LRFN2: variants seen among roughly 807,000 people sequenced by gnomAD.
LRFN2 encodes the protein leucine-rich repeat and fibronectin type-III domain-containing protein 2.
A neutral mutation model predicts 37.3 loss-of-function variants in LRFN2; 18 were observed. That is an observed-to-expected ratio of 0.48 (90% CI 0.33 to 0.72). The LOEUF (loss-of-function observed/expected upper bound fraction) is 0.72. Among genes scored for constraint, LRFN2 ranks in the 30% least tolerant of loss-of-function variants. The pLI, the probability that LRFN2 is intolerant of heterozygous loss-of-function variation, is 0.02. For missense variants in LRFN2, 1,006 were observed against 1,060.7 expected (o/e 0.95, Z 0.72); for synonymous variants, 556 against 466.6 (o/e 1.19, Z -2.47).
At chr6:40,418,735 C>T (rs1334736965) in intron 2 of LRFN2, among the ~76,000 whole-genome samples, 2 of 152,140 alleles carry the variant, frequency 1.3e-5, no homozygotes, top group East Asian at 3.9e-4. Context: ...GCTCAGAGTC[C>T]TCATCTGTCA....
At chr6:40,394,723 G>A (rs1338591255) in intron 2 of LRFN2, among the ~76,000 whole-genome samples, 1 of 152,122 alleles carries the variant, frequency 6.6e-6, no homozygotes, top group East Asian at 1.9e-4. Flanking sequence ...AGGTGTTGTG[G>A]GAGGGACCTG....
intron 1 of LRFN2, among the ~76,000 whole-genome samples, chr6:40,586,723 T>C (rs2113803815): frequency 6.6e-6 from 1 of 151,854 alleles, no homozygotes; most frequent in Admixed American, 6.5e-5. Context: ...TCACCCCCAC[T>C]GTAGGAAATA....
chr6:40,407,788 C>T (rs1762879762), intron 2 of LRFN2: 1 of 152,310 alleles, frequency 6.6e-6, no homozygotes, highest in Admixed American at 6.5e-5. Flanking sequence ...GTTGGCAGAT[C>T]CATAATTTCA....
chr6:40,490,089 C>T (rs967509149), intron 1 of LRFN2, among the ~76,000 whole-genome samples: 1 of 152,166 alleles, frequency 6.6e-6, no homozygotes, highest in Non-Finnish European at 1.5e-5. Context: ...AAGGGCCCAG[C>T]ACCTACTGCT....
chr6:40,549,550 G>A (rs1160462067), intron 1 of LRFN2, among the ~76,000 whole-genome samples: 1 of 152,218 alleles, frequency 6.6e-6, no homozygotes, highest in African/African-American at 2.4e-5. Flanking sequence ...AAAAAAAATG[G>A]CTTTGCTATT....
chr6:40,520,341 G>A (rs1006886671), intron 1 of LRFN2, among the ~76,000 whole-genome samples: 1 of 152,148 alleles, frequency 6.6e-6, no homozygotes, highest in African/African-American at 2.4e-5. Flanking sequence ...GGAGGTGCAG[G>A]GAGGGGGAGC....
intron 2 of LRFN2, among the ~76,000 whole-genome samples, chr6:40,400,657 G>A (rs1345448017): frequency 6.6e-6 from 1 of 151,582 alleles, no homozygotes; most frequent in Non-Finnish European, 1.5e-5. Context: ...CTGACCTCAA[G>A]TGATCCACCC....
chr6:40,469,735 G>A lies in LRFN2; in HGVS notation c.-18-36604C>T, dbSNP rs570471621. On this transcript the variant is annotated intron_variant, in intron 1 of 2. Transcript: ENST00000338305. ...ATAGAGGCCCTGGCAGGGGCCTTTC[G>A]GGGTTCCAGTTCTCACTGACTGGCC... Among the ~76,000 whole-genome samples, 477 of 152,166 alleles carry A rather than the reference G, an allele frequency of 3.1e-3. 3 individuals are homozygous for A. Among genetic ancestry groups the A allele is most frequent in the Non-Finnish European group, 2.2e-3 (152 of 67,998 alleles).
chr6:40,484,395 G>A (rs1394921700), intron 1 of LRFN2, among the ~76,000 whole-genome samples: 3 of 152,106 alleles, frequency 2.0e-5, no homozygotes, highest in Non-Finnish European at 2.9e-5. Flanking sequence ...GCCCCCACCC[G>A]CTGAGCCCCA....
chr6:40,524,412 C>T (rs1766185075), intron 1 of LRFN2, among the ~76,000 whole-genome samples: 1 of 141,986 alleles, frequency 7.0e-6, no homozygotes, highest in Non-Finnish European at 1.5e-5. Context: ...ACCTCTAACA[C>T]ACACTGACAC....
chr6:40,525,905 C>A (rs560901590), intron 1 of LRFN2, among the ~76,000 whole-genome samples: 1 of 152,162 alleles, frequency 6.6e-6, no homozygotes, highest in Non-Finnish European at 1.5e-5. Context: ...CATTTCTGTG[C>A]TGAAATGAAC....
chr6:40,516,374 AG>A (rs1765873242), intron 1 of LRFN2: 1 of 152,208 alleles, frequency 6.6e-6, no homozygotes, highest in Non-Finnish European at 1.5e-5. Context: ...ATACCAAGTC[AG>A]GTCTGGACGG....
At chr6:40,561,181 A>C (rs1766986877) in intron 1 of LRFN2, among the ~76,000 whole-genome samples, 1 of 152,136 alleles carries the variant, frequency 6.6e-6, no homozygotes, top group Admixed American at 6.5e-5. Context: ...GAGGAGCCCC[A>C]AGATTCTCGA....
intron 2 of LRFN2, among the ~76,000 whole-genome samples, chr6:40,415,657 C>A (rs552876803): frequency 2.0e-5 from 3 of 152,198 alleles, no homozygotes; most frequent in Non-Finnish European, 4.4e-5. Context: ...GCTACTGAAT[C>A]GGTGAAGACC....
chr6:40,581,498 CCT>C (rs1388755062), intron 1 of LRFN2, among the ~76,000 whole-genome samples: 1 of 152,180 alleles, frequency 6.6e-6, no homozygotes, highest in Admixed American at 6.5e-5. Context: ...TATAGGAGGA[CCT>C]CTAACCTCTC....
chr6:40,438,093 G>A (rs966734626), intron 1 of LRFN2, among the ~76,000 whole-genome samples: 2 of 152,194 alleles, frequency 1.3e-5, no homozygotes, highest in African/African-American at 2.4e-5. Context: ...GAATCCATCT[G>A]CAAAGGAGCG....
At chr6:40,473,707 T>C (rs767421808) in intron 1 of LRFN2, among the ~76,000 whole-genome samples, 4 of 152,016 alleles carry the variant, frequency 2.6e-5, no homozygotes, top group Non-Finnish European at 4.4e-5. Context: ...ATGCATTAGG[T>C]ATTTGTCCTA....
At chr6:40,571,414 C>T (rs748101212) in intron 1 of LRFN2, among the ~76,000 whole-genome samples, 14 of 152,318 alleles carry the variant, frequency 9.2e-5, no homozygotes, top group African/African-American at 3.4e-4. Flanking sequence ...AGTAGAGCCC[C>T]TCCTCTGACA....
Position 40,585,852 on chromosome 6 carries a change from T to TACAC in LRFN2, c.-19+1085_-19+1088dup, listed in dbSNP as rs59391301. Among the ~76,000 whole-genome samples, 619 of 148,770 alleles carry TACAC rather than the reference T, an allele frequency of 4.2e-3. 2 individuals are homozygous for TACAC. The highest frequency in any genetic ancestry group is 0.01 in the African/African-American group (415 of 40,662). On this transcript the variant is annotated intron_variant, in intron 1 of 2. Coordinates refer to ENST00000338305, the MANE Select transcript of LRFN2 (RefSeq NM_020737.3). ...ACACATGCGTACACACACACACGCG[T>TACAC]ACACACACACACACACACACACACT...
Sources: allele counts gnomAD v4.1 joint callset (sites outside exome capture counted in the v4.1 genomes callset), GRCh38; gene constraint gnomAD v4.1.1; transcripts MANE v1.5; gene names NCBI Gene and HGNC (gene_info 2026-07-23, HGNC 2026-07-21).